SLC24A3: variants seen among roughly 807,000 people sequenced by gnomAD.
SLC24A3 encodes sodium/potassium/calcium exchanger 3.
SLC24A3 carries 28 observed loss-of-function variants against 75.8 expected under a neutral mutation model. The ratio of observed to expected loss-of-function variants is 0.37; its 90% CI spans 0.27 to 0.51. SLC24A3 has a LOEUF of 0.51. Among genes scored for constraint, SLC24A3 ranks in the 20% least tolerant of loss-of-function variants. The pLI, the probability that SLC24A3 is intolerant of heterozygous loss-of-function variation, is 0.94. For synonymous variants in SLC24A3, 372 were observed against 334.1 expected (o/e 1.11, Z -1.24); for missense variants, 663 against 847.8 (o/e 0.78, Z 2.71).
intron 3 of SLC24A3, among the ~76,000 whole-genome samples, chr20:19,559,329 T>C (rs1359848844): frequency 6.6e-6 from 1 of 152,228 alleles, no homozygotes; most frequent in Non-Finnish European, 1.5e-5. Flanking sequence ...TTTTGTGTTG[T>C]ACGTATTCTT....
At chr20:19,404,757 G>C (rs1568609536) in intron 2 of SLC24A3, among the ~76,000 whole-genome samples, 1 of 152,192 alleles carries the variant, frequency 6.6e-6, no homozygotes, top group Non-Finnish European at 1.5e-5. Context: ...GATGCATGCA[G>C]CTCCTCACAA....
chr20:19,625,879 G>A lies in SLC24A3; in HGVS notation c.613-28183G>A, dbSNP rs190022205. Among the ~76,000 whole-genome samples the A allele has an allele frequency of 8.7e-4, 133 of 152,176 alleles. No individual in the cohort carries two copies. The Middle Eastern group carries it at 0.014, about 16-fold the overall frequency. On this transcript the variant is annotated intron_variant, in intron 6 of 16. Coordinates refer to ENST00000328041, the MANE Select transcript of SLC24A3 (RefSeq NM_020689.4). ...ATTTCATCCCATCAAGAGTGTTAAT[G>A]CAACACTTTCTCTTACTTCAGGCAT... is the stretch of plus-strand genomic sequence containing the variant.
chr20:19,327,983 G>GA (rs987517836), intron 2 of SLC24A3, among the ~76,000 whole-genome samples: 2 of 151,832 alleles, frequency 1.3e-5, no homozygotes, highest in Non-Finnish European at 2.9e-5. Flanking sequence ...AAGTGATACA[G>GA]AAAAAAAATG....
chr20:19,489,173 G>C (rs4814864), intron 2 of SLC24A3, among the ~76,000 whole-genome samples: 37,374 of 152,078 alleles, frequency 0.25, 5,042 homozygotes, highest in East Asian at 0.5. Flanking sequence ...AAGAGAAAAG[G>C]GTTTTGTCCC....
chr20:19,614,194 T>G (rs1268137586), intron 6 of SLC24A3, among the ~76,000 whole-genome samples: 4 of 152,224 alleles, frequency 2.6e-5, no homozygotes, highest in Non-Finnish European at 5.9e-5. Context: ...ATTTGCTATC[T>G]GTATGAAGTT....
intron 2 of SLC24A3, among the ~76,000 whole-genome samples, chr20:19,307,437 T>C (rs1984358881): frequency 6.6e-6 from 1 of 152,320 alleles, no homozygotes; most frequent in South Asian, 2.1e-4. Flanking sequence ...AAAAGCTTCA[T>C]GTAGATGAGA....
rs1983053370 is a variant in SLC24A3, at chr20:19,263,233, T to C, written c.143-17726T>C. ...CAGCATTGAGAAGGGAACAGTCTCA[T>C]GTGGCTTTGGAGAGAGAATGTGGGC... is the stretch of plus-strand genomic sequence containing the variant. On this transcript the variant is annotated intron_variant, in intron 1 of 16. Coordinates refer to ENST00000328041, the MANE Select transcript of SLC24A3 (RefSeq NM_020689.4). Among the ~76,000 whole-genome samples the C allele has an allele frequency of 2.0e-5, 3 of 152,158 alleles. No individual in the cohort carries two copies. In the South Asian group the frequency reaches 6.2e-4, roughly 32 times the overall value.
At chr20:19,694,717 TGC>T (rs2032785670) in intron 13 of SLC24A3, 1 of 152,240 alleles carries the variant, frequency 6.6e-6, no homozygotes, top group African/African-American at 2.4e-5. Context: ...TCCTTCTGTT[TGC>T]TTCCTTTTCC....
intron 2 of SLC24A3, among the ~76,000 whole-genome samples, chr20:19,327,511 C>A (rs975328869): frequency 6.6e-6 from 1 of 152,240 alleles, no homozygotes; most frequent in Admixed American, 6.5e-5. Flanking sequence ...TGAGACTTCA[C>A]ACATTACAAC....
At position 19,585,447 on chromosome 20, in the gene SLC24A3, T is replaced by C; in HGVS notation, c.515T>C (p.Phe172Ser). 4 of 1,613,996 alleles carry C rather than the reference T, an allele frequency of 2.5e-6. No homozygotes were observed. The highest frequency in any genetic ancestry group is 3.4e-6 in the Non-Finnish European group (4 of 1,179,928). ...TGTGGGATCTGTGTTTCAGGGGTCT[T>C]CATCACCAAAGGCGATGTGGGAGTT... ...PELFTSVIGV[F>S]ITKGDVGVGT... Residue 172 changes from phenylalanine (F) to serine (S), a missense_variant, in exon 6 of 17, where the codon TTC becomes TCC. Coordinates refer to ENST00000328041, the MANE Select transcript of SLC24A3 (RefSeq NM_020689.4).
chr20:19,649,593 T>C (rs2032177706), intron 6 of SLC24A3, among the ~76,000 whole-genome samples: 1 of 152,362 alleles, frequency 6.6e-6, no homozygotes, highest in South Asian at 2.1e-4. Context: ...GTTTTTTGTT[T>C]TTTTTGTTTG....
At chr20:19,646,638 C>T (rs1185575366) in intron 6 of SLC24A3, among the ~76,000 whole-genome samples, 1 of 152,170 alleles carries the variant, frequency 6.6e-6, no homozygotes, top group Non-Finnish European at 1.5e-5. Flanking sequence ...TGGCATTTCA[C>T]AAAGTGGGCA....
At chr20:19,703,972 T>C (rs1424267747) in intron 15 of SLC24A3, among the ~76,000 whole-genome samples, 2 of 152,240 alleles carry the variant, frequency 1.3e-5, no homozygotes, top group Non-Finnish European at 2.9e-5. Flanking sequence ...CCAGATGTCA[T>C]GCCTGTGTTC....
chr20:19,434,672 A>G (rs73900118), intron 2 of SLC24A3, among the ~76,000 whole-genome samples: 4,169 of 151,822 alleles, frequency 0.027, 166 homozygotes, highest in East Asian at 0.1. Context: ...CTGCCTCTGG[A>G]TGGTTATTTG....
At chr20:19,591,803 G>A (rs1424018013) in intron 6 of SLC24A3, among the ~76,000 whole-genome samples, 4 of 152,190 alleles carry the variant, frequency 2.6e-5, no homozygotes, top group Non-Finnish European at 4.4e-5. Context: ...ACAGTTTTCA[G>A]TTTATTATAA....
At chr20:19,540,492 T>C (rs1233225991) in intron 3 of SLC24A3, among the ~76,000 whole-genome samples, 1 of 152,196 alleles carries the variant, frequency 6.6e-6, no homozygotes. Context: ...ACGCAAAAGC[T>C]GTTCTTTTAC....
rs377071176 is a variant in SLC24A3, at chr20:19,228,739, AT to A, written c.142+15756del. 2.1e-3 allele frequency among the ~76,000 whole-genome samples: 321 copies of A among 152,288 alleles called. 9 individuals carry two copies. The South Asian group carries it at 0.058, about 28-fold the overall frequency. ...AATATAACAATATATATAGAAAAAA[AT>A]ATCCTTACTAAAGCACTTCTGAAAG... On this transcript the variant is annotated intron_variant, in intron 1 of 16. Coordinates refer to ENST00000328041, the MANE Select transcript of SLC24A3 (RefSeq NM_020689.4).
rs758225511 is a variant in SLC24A3, at chr20:19,681,857, G to T, written c.768-1G>T. ...CTCTGCCCACTTGTCGCTTTGCTCA[G>T]ATATAACGCTTGCATACATCAGTGC... is the stretch of plus-strand genomic sequence containing the variant. On this transcript the variant is annotated splice_acceptor_variant, in intron 9 of 16. Transcript: ENST00000328041. LOFTEE classifies it high-confidence loss of function. 1 of 1,614,140 alleles carries T rather than the reference G, an allele frequency of 6.2e-7. No individual in the cohort carries two copies. The highest frequency in any genetic ancestry group is 8.5e-7 in the Non-Finnish European group (1 of 1,179,998).
chr20:19,268,529 C>T lies in SLC24A3; in HGVS notation c.143-12430C>T, dbSNP rs145579615. On this transcript the variant is annotated intron_variant, in intron 1 of 16. Coordinates refer to ENST00000328041, the MANE Select transcript of SLC24A3 (RefSeq NM_020689.4). ...TCAGCTCATTCATGCTTTTTAATAT[C>T]CAGATGTGGTAATCGGGCTAAAGTG... is the stretch of plus-strand genomic sequence containing the variant. Among the ~76,000 whole-genome samples, 676 of 152,274 alleles carry T rather than the reference C, an allele frequency of 4.4e-3. 12 individuals are homozygous for T. In the South Asian group the frequency reaches 0.061, roughly 14 times the overall value.
Sources: gnomAD v4.1 joint callset for allele counts (sites outside exome capture counted in the v4.1 genomes callset) on GRCh38, gnomAD v4.1.1 for gene constraint, MANE v1.5 for transcripts, NCBI Gene and HGNC (gene_info 2026-07-23, HGNC 2026-07-21) for gene names.